TMEM45A: variants seen among roughly 807,000 people sequenced by gnomAD.
TMEM45A encodes the protein transmembrane protein 45A.
A neutral mutation model predicts 32.0 loss-of-function variants in TMEM45A; 25 were observed. The observed-to-expected ratio is 0.78, with a 90% CI of 0.57 to 1.09. TMEM45A has a LOEUF of 1.09. Among genes scored for constraint, TMEM45A ranks in the 50% least tolerant of loss-of-function variants. TMEM45A has a pLI of 0.00. For missense variants in TMEM45A, 302 were observed against 325.0 expected (o/e 0.93, Z 0.54); for synonymous variants, 122 against 114.8 (o/e 1.06, Z -0.40).
chr3:100,511,507 C>A (rs886875744), intron 1 of TMEM45A, among the ~76,000 whole-genome samples: 1 of 151,946 alleles, frequency 6.6e-6, no homozygotes, highest in Non-Finnish European at 1.5e-5. Context: ...TGGTACCAGC[C>A]GCTGCAAAAT....
At chr3:100,544,419 A>T (rs959881917) in intron 1 of TMEM45A, among the ~76,000 whole-genome samples, 3 of 152,234 alleles carry the variant, frequency 2.0e-5, no homozygotes. Context: ...GTATAATTTG[A>T]TGAGTTTGGG....
At chr3:100,519,624 C>A in intron 1 of TMEM45A, 1 of 1,550,556 alleles carries the variant, frequency 6.4e-7, no homozygotes, top group Non-Finnish European at 8.7e-7. Context: ...TTTGGCGTTT[C>A]TGCAGTAACC....
chr3:100,567,552 A>G (rs140905633), intron 4 of TMEM45A, among the ~76,000 whole-genome samples: 233 of 147,622 alleles, frequency 1.6e-3, no homozygotes, highest in African/African-American at 5.8e-3. Context: ...GAACATTGGA[A>G]TTTTGATGGC....
At chr3:100,523,212 G>A (rs1209626293) in intron 1 of TMEM45A, among the ~76,000 whole-genome samples, 1 of 152,192 alleles carries the variant, frequency 6.6e-6, no homozygotes, top group Non-Finnish European at 1.5e-5. Flanking sequence ...ACGTTCTGCT[G>A]ATGTTGTCTG....
intron 1 of TMEM45A, among the ~76,000 whole-genome samples, 192 bp downstream of exon 1, chr3:100,493,120 C>CTTTTTTTTTTTTTTTTTTT (rs570241165): frequency 8.6e-6 from 1 of 115,918 alleles, no homozygotes; most frequent in African/African-American, 3.4e-5. Context: ...GTTTGCTATT[C>CTTTTTTTTTTTTTTTTTTT]TTTTTTTTTT....
chr3:100,499,469 T>C (rs1371666248), intron 1 of TMEM45A, among the ~76,000 whole-genome samples: 4 of 152,252 alleles, frequency 2.6e-5, no homozygotes, highest in Admixed American at 2.0e-4. Context: ...TTTGTCTCTA[T>C]GTAGATATCA....
At chr3:100,493,687 A>G (rs1442124257) in intron 1 of TMEM45A, among the ~76,000 whole-genome samples, 1 of 152,080 alleles carries the variant, frequency 6.6e-6, no homozygotes, top group Non-Finnish European at 1.5e-5. Flanking sequence ...TATGTATGCT[A>G]TATAGTATAC....
At chr3:100,573,331 G>A (rs1238070438) in intron 5 of TMEM45A, 1 of 151,848 alleles carries the variant, frequency 6.6e-6, no homozygotes, top group African/African-American at 2.4e-5. Context: ...CTTGTAAGTT[G>A]GATTCCTAGG....
At chr3:100,527,206 G>C (rs1705561291) in intron 1 of TMEM45A, among the ~76,000 whole-genome samples, 1 of 152,008 alleles carries the variant, frequency 6.6e-6, no homozygotes, top group East Asian at 1.9e-4. Context: ...TGTAAAGTGA[G>C]AATAAATGAG....
intron 1 of TMEM45A, among the ~76,000 whole-genome samples, chr3:100,533,066 G>A (rs192168467): frequency 5.3e-5 from 8 of 152,198 alleles, no homozygotes; most frequent in Admixed American, 2.6e-4. Flanking sequence ...ATTAATGGGT[G>A]CATGTAAAAT....
At chr3:100,521,151 C>T (rs1051689721) in intron 1 of TMEM45A, among the ~76,000 whole-genome samples, 7 of 152,140 alleles carry the variant, frequency 4.6e-5, no homozygotes, top group African/African-American at 1.4e-4. Flanking sequence ...AGCTTAAATT[C>T]CCTCTGATAC....
intron 1 of TMEM45A, among the ~76,000 whole-genome samples, chr3:100,522,593 A>C (rs1006005158): frequency 1.3e-5 from 2 of 152,176 alleles, no homozygotes; most frequent in Non-Finnish European, 2.9e-5. Flanking sequence ...CACAGTATAC[A>C]TGGACATGAC....
At chr3:100,569,491 G>C (rs1299621778) in intron 5 of TMEM45A, among the ~76,000 whole-genome samples, 10 of 152,140 alleles carry the variant, frequency 6.6e-5, no homozygotes, top group African/African-American at 2.2e-4. Flanking sequence ...TCCATAGGTG[G>C]GTAAGGAGCA....
Position 100,568,829 on chromosome 3 carries a change from T to A in TMEM45A, c.596T>A (p.Phe199Tyr), listed in dbSNP as rs753750709. 1 of 1,607,758 alleles carries A rather than the reference T, an allele frequency of 6.2e-7. No individual in the cohort carries two copies. The stretch of plus-strand genomic sequence containing the variant: ...TTTTGTTCTAAATTACAGATTGGAT[T>A]TGTCCTGTATCCCCCCAGTGGAGGT... ...LQGSWFFQIG[F>Y]VLYPPSGGPA... is the part of the protein sequence containing the mutation. The change falls in exon 5 of 6, where the codon TTT (phenylalanine) becomes TAT (tyrosine). Residue 199 changes from phenylalanine (F) to tyrosine (Y), a missense_variant. Phe to Tyr is a conservative substitution (Grantham distance 22). Coordinates refer to ENST00000323523, the MANE Select transcript of TMEM45A (RefSeq NM_018004.3).
At chr3:100,501,340 G>C (rs750257909) in intron 1 of TMEM45A, among the ~76,000 whole-genome samples, 7 of 152,186 alleles carry the variant, frequency 4.6e-5, no homozygotes, top group Non-Finnish European at 8.8e-5. Flanking sequence ...TAATTCAGAA[G>C]GTGTGGAGTG....
intron 4 of TMEM45A, among the ~76,000 whole-genome samples, chr3:100,563,717 T>C (rs1374252351): frequency 6.6e-6 from 1 of 152,202 alleles, no homozygotes; most frequent in Non-Finnish European, 1.5e-5. Flanking sequence ...ACAGTGAACA[T>C]AGAGGACCTA....
chr3:100,544,958 A>G (rs575851090), intron 1 of TMEM45A, among the ~76,000 whole-genome samples: 1 of 152,334 alleles, frequency 6.6e-6, no homozygotes, highest in Admixed American at 6.5e-5. Flanking sequence ...CCTGCAGTGT[A>G]TAAGAGTTCT....
intron 1 of TMEM45A, among the ~76,000 whole-genome samples, chr3:100,504,951 G>T (rs552113597): frequency 6.6e-6 from 1 of 152,278 alleles, no homozygotes; most frequent in African/African-American, 2.4e-5. Flanking sequence ...TCTCATACCT[G>T]CTTTTTAGAC....
chr3:100,512,462 C>A (rs571637831), intron 1 of TMEM45A, among the ~76,000 whole-genome samples: 1 of 152,260 alleles, frequency 6.6e-6, no homozygotes, highest in East Asian at 1.9e-4. Flanking sequence ...ATCTCTGGGG[C>A]ACATTCAAAG....
Sources: allele counts gnomAD v4.1 joint callset (sites outside exome capture counted in the v4.1 genomes callset), GRCh38; gene constraint gnomAD v4.1.1; transcripts MANE v1.5; gene names NCBI Gene and HGNC (gene_info 2026-07-23, HGNC 2026-07-21).